RNF144A: variants seen among roughly 807,000 people sequenced by gnomAD.
The protein encoded by RNF144A is E3 ubiquitin-protein ligase RNF144A.
Under a neutral mutation model 38.7 loss-of-function variants are expected in RNF144A, and 11 were observed. That is an observed-to-expected ratio of 0.28 (90% confidence interval 0.18 to 0.47). The LOEUF is 0.47. RNF144A is among the 20% of genes least tolerant of loss of function. The probability of loss-of-function intolerance (pLI) is 0.99; values close to 1 mark genes in which losing one functional copy is unlikely to be tolerated. For missense variants in RNF144A, 316 were observed against 377.2 expected, an observed-to-expected ratio of 0.84 and a Z score of 1.34; for synonymous variants, 149 against 143.9, an observed-to-expected ratio of 1.04 and a Z score of -0.25.
chr2:6,986,351 A>C (rs1176366225), intron 2 of RNF144A, among the ~76,000 whole-genome samples: 1 of 151,784 alleles, frequency 6.6e-6, no homozygotes, highest in Non-Finnish European at 1.5e-5. Context: ...CAAGGGATTG[A>C]CAAGCTCCAA....
At chr2:7,025,950 T>A (rs1671867513) in intron 7 of RNF144A, among the ~76,000 whole-genome samples, 1 of 152,206 alleles carries the variant, frequency 6.6e-6, no homozygotes, top group African/African-American at 2.4e-5. Flanking sequence ...GTCCAGAGAC[T>A]GTTCTTTCTT....
intron 6 of RNF144A, among the ~76,000 whole-genome samples, chr2:7,065,968 A>G (rs1674196816): frequency 6.6e-6 from 1 of 152,256 alleles, no homozygotes; most frequent in African/African-American, 2.4e-5. Context: ...AATAACAAGA[A>G]TTACACGGGA....
At chr2:6,945,805 A>G (rs942574615) in intron 2 of RNF144A, among the ~76,000 whole-genome samples, 6 of 152,118 alleles carry the variant, frequency 3.9e-5, no homozygotes, top group African/African-American at 9.7e-5. Context: ...AACTAAGACA[A>G]TGAGAAATGG....
rs541836969 is a variant in RNF144A, at chr2:6,959,380, A to G, written c.-12+18233A>G. 5.4e-4 allele frequency among the ~76,000 whole-genome samples: 82 copies of G among 152,320 alleles called. 2 individuals are homozygous for G. The South Asian group carries it at 0.017, about 31-fold the overall frequency. On this transcript the variant is annotated intron_variant, in intron 2 of 8. Transcript: ENST00000320892. Reference sequence around the variant, plus strand: ...GTGATTATTTAATAGATTACTAGGAAAACAGGGATCATGATGTACAATTGC... The same window carrying G: ...GTGATTATTTAATAGATTACTAGGAGAACAGGGATCATGATGTACAATTGC...
chr2:6,938,481 C>G (rs751499743), intron 1 of RNF144A, among the ~76,000 whole-genome samples: 1 of 151,962 alleles, frequency 6.6e-6, no homozygotes, highest in Non-Finnish European at 1.5e-5. Context: ...CTCCTGACCT[C>G]GTGATCCACC....
Position 7,030,162 on chromosome 2 carries a change from T to C in RNF144A, c.694T>C (p.Cys232Arg), listed in dbSNP as rs1209936745. 1 of 1,613,860 alleles carries C rather than the reference T, an allele frequency of 6.2e-7. No homozygotes were observed. The highest frequency in any genetic ancestry group is 1.3e-5 in the African/African-American group (1 of 74,874). ...FLLIHYDKGPCRNKLGHSRAS... is the reference protein window; with the variant it reads ...FLLIHYDKGPRRNKLGHSRAS... The stretch of plus-strand genomic sequence containing the variant: ...TCTGATACACTACGATAAGGGACCC[T>C]GCCGGAACAAGCTGGGCCACTCCCG... Residue 232 changes from cysteine (C) to arginine (R), a missense_variant, in exon 8 of 9, where the codon TGC becomes CGC. Cys to Arg is a radical substitution (Grantham distance 180). Transcript: ENST00000320892.
At chr2:6,959,460 C>T (rs918380192) in intron 2 of RNF144A, among the ~76,000 whole-genome samples, 5 of 152,224 alleles carry the variant, frequency 3.3e-5, no homozygotes, top group Middle Eastern at 3.4e-3. Flanking sequence ...CATTTTCTGT[C>T]GCTGTAATAG....
downstream of RNF144A, among the ~76,000 whole-genome samples, chr2:7,072,668 T>C (rs572426221): frequency 3.0e-4 from 46 of 152,362 alleles, no homozygotes; most frequent in South Asian, 7.7e-3. Flanking sequence ...TAGTGTCTGT[T>C]TGAAGGCAAT....
intron 3 of RNF144A, among the ~76,000 whole-genome samples, chr2:7,008,752 C>T (rs577445718): frequency 3.9e-5 from 6 of 152,328 alleles, no homozygotes; most frequent in East Asian, 1.9e-4. Context: ...AAACAGCCTC[C>T]GCATCCAGTC....
In RNF144A at chr2:7,042,064, C is replaced by T. The variant is rs972171211; in HGVS notation, c.*2304C>T. 9 of 985,180 alleles carry T rather than the reference C, an allele frequency of 9.1e-6. No homozygotes were observed. The African/African-American group carries it at 1.4e-4, about 15-fold the overall frequency. The allele number at this position is 985,180 out of a possible 1,614,324, so 61.0% of individuals were successfully genotyped here. A position where few individuals can be genotyped will look rare whatever the true frequency, so the allele number is the denominator to read the frequency against. On this transcript the variant is annotated 3_prime_UTR_variant, in exon 9 of 9. Coordinates refer to ENST00000320892, the MANE Select transcript of RNF144A (RefSeq NM_014746.6). ...TCAAATTGGCACCTACTGGCTCTGA[C>T]TTTTTGTATGAAGCATGCCTCAGTT...
chr2:6,978,409 T>C (rs190631730), intron 2 of RNF144A, among the ~76,000 whole-genome samples: 155 of 152,326 alleles, frequency 1.0e-3, no homozygotes, highest in Middle Eastern at 3.4e-3. Flanking sequence ...CCCATGTCTT[T>C]TCTTTGTGAC....
chr2:7,063,760 G>A (rs1460418569), intron 6 of RNF144A, among the ~76,000 whole-genome samples: 2 of 152,178 alleles, frequency 1.3e-5, no homozygotes, highest in Admixed American at 1.3e-4. Context: ...AACGTCTAAT[G>A]CTCCAGATAA....
intron 7 of RNF144A, among the ~76,000 whole-genome samples, chr2:7,027,339 C>T (rs78144620): frequency 1.9e-4 from 29 of 152,292 alleles, no homozygotes; most frequent in Admixed American, 7.8e-4. Flanking sequence ...CTTTCTTTTA[C>T]GTATTTTTTG....
At chr2:7,020,798 C>T in intron 6 of RNF144A, 118 bp downstream of exon 6, 1 of 824,542 alleles carries the variant, frequency 1.2e-6, no homozygotes, top group Non-Finnish European at 2.0e-6. Flanking sequence ...TCAACCCTAA[C>T]ACACACTGTA....
chr2:7,019,685 A>G (rs1024687377), intron 5 of RNF144A, among the ~76,000 whole-genome samples: 1 of 152,248 alleles, frequency 6.6e-6, no homozygotes, highest in African/African-American at 2.4e-5. Flanking sequence ...GATGAAATGA[A>G]CAACCAGTCT....
intron 1 of RNF144A, among the ~76,000 whole-genome samples, chr2:6,936,498 T>C (rs1665593260): frequency 6.6e-6 from 1 of 152,226 alleles, no homozygotes; most frequent in East Asian, 1.9e-4. Flanking sequence ...TTTATTGTAG[T>C]GATTTCAGCT....
At chr2:7,034,514 C>T (rs1335664261) in intron 8 of RNF144A, among the ~76,000 whole-genome samples, 3 of 152,200 alleles carry the variant, frequency 2.0e-5, no homozygotes, top group Non-Finnish European at 2.9e-5. Flanking sequence ...TCCGGCATCT[C>T]CCCTGCCCTG....
chr2:7,060,318 C>T (rs1673903930), intron 6 of RNF144A, among the ~76,000 whole-genome samples: 1 of 151,698 alleles, frequency 6.6e-6, no homozygotes, highest in Non-Finnish European at 1.5e-5. Flanking sequence ...TGGCATTCTG[C>T]GTTCCCAGAA....
chr2:7,023,121 G>T (rs1196305812), intron 6 of RNF144A, among the ~76,000 whole-genome samples: 2 of 152,082 alleles, frequency 1.3e-5, no homozygotes, highest in African/African-American at 4.8e-5. Context: ...CACATAAATC[G>T]CACAGCTAGG....
Sources: allele counts gnomAD v4.1 joint callset (sites outside exome capture counted in the v4.1 genomes callset), GRCh38; gene constraint gnomAD v4.1.1; transcripts MANE v1.5; gene names NCBI Gene and HGNC (gene_info 2026-07-23, HGNC 2026-07-21).